Variants in XRCC4 observed in about 807,000 individuals in gnomAD.
XRCC4 encodes X-ray repair cross complementing 4, also known as DNA repair protein XRCC4.
A neutral mutation model predicts 39.1 loss-of-function variants in XRCC4; 28 were observed. That is an observed-to-expected ratio of 0.72 (90% CI 0.53 to 0.98). The LOEUF (loss-of-function observed/expected upper bound fraction) is 0.98, where lower values mean the gene tolerates loss of function less well. Ranked by LOEUF, XRCC4 falls within the 50% of genes least tolerant of loss-of-function variation. The pLI, the probability that XRCC4 is intolerant of heterozygous loss-of-function variation, is 0.00. For synonymous variants in XRCC4, 123 were observed against 126.4 expected (o/e 0.97, Z 0.18); for missense variants, 350 against 376.4 (o/e 0.93, Z 0.58).
At chr5:83,263,182 T>A (rs1435425648) in intron 7 of XRCC4, among the ~76,000 whole-genome samples, 7 of 150,392 alleles carry the variant, frequency 4.7e-5, no homozygotes, top group Non-Finnish European at 8.9e-5. Context: ...ACTCATCATT[T>A]TTTATGGCTG....
At chr5:83,371,084 T>A in the XRCC4 span, among the ~76,000 whole-genome samples, 2 of 152,194 alleles carry the variant, frequency 1.3e-5, no homozygotes, top group Non-Finnish European at 2.9e-5. Context: ...CTAATCCACC[T>A]CAGCTCTTGT....
rs1554063299 is a variant in XRCC4 at position 83,192,319 on chromosome 5, A to ATTTTTTTTT, written c.316-3444_316-3443insTTTTTTTTT. Among the ~76,000 whole-genome samples, 163 of 143,498 alleles carry ATTTTTTTTT rather than the reference A, an allele frequency of 1.1e-3. 1 individual carries two copies. Among genetic ancestry groups the ATTTTTTTTT allele is most frequent in the African/African-American group, 4.1e-3 (157 of 38,582 alleles). 94.1% of individuals were successfully genotyped at this position (143,498 alleles called of 152,430 possible). A position where few individuals can be genotyped will look rare whatever the true frequency, so the allele number is the denominator to read the frequency against. Reference sequence around the variant, plus strand: ...ATACGTATATATAATATATATATATATTTTTTTGAGACGGAGTCTTGCTCT... The same window carrying ATTTTTTTTT: ...ATACGTATATATAATATATATATATATTTTTTTTTTTTTTTTGAGACGGAGTCTTGCTCT... On this transcript the variant is annotated intron_variant, in intron 3 of 7. Transcript: ENST00000396027.
intron 6 of XRCC4, among the ~76,000 whole-genome samples, chr5:83,258,164 G>A (rs1753617081): frequency 6.6e-6 from 1 of 151,994 alleles, no homozygotes; most frequent in South Asian, 2.1e-4. Flanking sequence ...TTCTGTACAT[G>A]TATCTCAGAA....
intron 7 of XRCC4, among the ~76,000 whole-genome samples, chr5:83,286,911 A>G (rs1419187616): frequency 6.6e-6 from 1 of 152,056 alleles, no homozygotes; most frequent in Admixed American, 6.6e-5. Flanking sequence ...ACAAATCTAA[A>G]CAATGTGAAC....
At chr5:83,313,308 T>C (rs1755769679) in intron 7 of XRCC4, among the ~76,000 whole-genome samples, 1 of 152,144 alleles carries the variant, frequency 6.6e-6, no homozygotes, top group African/African-American at 2.4e-5. Context: ...GATCATGATA[T>C]ATGCACAGTA....
At chr5:83,215,309 A>C (rs1751815886) in intron 6 of XRCC4, among the ~76,000 whole-genome samples, 1 of 152,190 alleles carries the variant, frequency 6.6e-6, no homozygotes, top group Non-Finnish European at 1.5e-5. Context: ...ACTGCAGTCC[A>C]GCCTGGGTGA....
chr5:83,346,797 TG>T (rs781149828), intron 7 of XRCC4, among the ~76,000 whole-genome samples: 14 of 152,036 alleles, frequency 9.2e-5, no homozygotes, highest in Non-Finnish European at 1.5e-4. Context: ...AATAGGAACA[TG>T]GAAAAAAAGT....
At chr5:83,157,964 C>T (rs1434343419) in intron 3 of XRCC4, among the ~76,000 whole-genome samples, 1 of 151,976 alleles carries the variant, frequency 6.6e-6, no homozygotes, top group Non-Finnish European at 1.5e-5. Flanking sequence ...TTGTTTTCCC[C>T]ACTTGCTTTT....
chr5:83,156,590 G>A (rs1177341860), intron 3 of XRCC4, among the ~76,000 whole-genome samples: 1 of 151,926 alleles, frequency 6.6e-6, no homozygotes, highest in African/African-American at 2.4e-5. Context: ...CTTCTTGGCC[G>A]AAGAGTACAA....
At chr5:83,238,992 A>G (rs956707924) in intron 6 of XRCC4, among the ~76,000 whole-genome samples, 1 of 152,234 alleles carries the variant, frequency 6.6e-6, no homozygotes, top group Non-Finnish European at 1.5e-5. Flanking sequence ...TGTTCACACT[A>G]GACTGTGCAA....
chr5:83,215,478 A>G (rs1751824107), intron 6 of XRCC4, among the ~76,000 whole-genome samples: 1 of 152,252 alleles, frequency 6.6e-6, no homozygotes, highest in Non-Finnish European at 1.5e-5. Flanking sequence ...TAGAATTTCA[A>G]GCAAGCAAGA....
intron 6 of XRCC4, among the ~76,000 whole-genome samples, chr5:83,229,371 G>A (rs1055913062): frequency 8.6e-5 from 13 of 151,564 alleles, no homozygotes; most frequent in African/African-American, 1.2e-4. Flanking sequence ...TTAATATATC[G>A]CCTTGGCAAT....
At chr5:83,313,635 T>G (rs1168757316) in intron 7 of XRCC4, among the ~76,000 whole-genome samples, 3 of 152,166 alleles carry the variant, frequency 2.0e-5, no homozygotes, top group Admixed American at 6.6e-5. Flanking sequence ...CACGCCAATC[T>G]CTTACATATT....
intron 3 of XRCC4, among the ~76,000 whole-genome samples, chr5:83,142,115 G>C (rs527772379): frequency 1.1e-4 from 17 of 152,148 alleles, no homozygotes; most frequent in African/African-American, 4.1e-4. Flanking sequence ...TTGTGGGCTG[G>C]CGTTTTAGCT....
chr5:83,134,087 C>A (rs971255941), intron 3 of XRCC4, among the ~76,000 whole-genome samples: 1 of 152,208 alleles, frequency 6.6e-6, no homozygotes, highest in African/African-American at 2.4e-5. Flanking sequence ...GGCTGAATCC[C>A]ATGCTTGGAC....
intron 7 of XRCC4, among the ~76,000 whole-genome samples, chr5:83,269,561 T>C (rs1027442107): frequency 6.6e-5 from 10 of 151,812 alleles, no homozygotes; most frequent in Admixed American, 2.6e-4. Flanking sequence ...TGAGAAAATA[T>C]ATTACATTTG....
At chr5:83,286,739 T>A (rs1043623479) in intron 7 of XRCC4, among the ~76,000 whole-genome samples, 1 of 152,072 alleles carries the variant, frequency 6.6e-6, no homozygotes, top group African/African-American at 2.4e-5. Flanking sequence ...TCTTACCTAA[T>A]CAGATGACAC....
At chr5:83,218,108 G>A (rs1040646764) in intron 6 of XRCC4, among the ~76,000 whole-genome samples, 2 of 149,556 alleles carry the variant, frequency 1.3e-5, no homozygotes, top group African/African-American at 5.0e-5. Context: ...TAGGGTACAT[G>A]TGCACAACGT....
chr5:83,223,890 A>G (rs930267348), intron 6 of XRCC4, among the ~76,000 whole-genome samples: 11 of 127,322 alleles, frequency 8.6e-5, no homozygotes, highest in African/African-American at 3.4e-4. Context: ...GGTCCTTGTG[A>G]TAGTTTGCTG....
Sources: gnomAD v4.1 joint callset for allele counts (sites outside exome capture counted in the v4.1 genomes callset) on GRCh38, gnomAD v4.1.1 for gene constraint, MANE v1.5 for transcripts, NCBI Gene and HGNC (gene_info 2026-07-23, HGNC 2026-07-21) for gene names.